SAMD12: variants seen among roughly 807,000 people sequenced by gnomAD.
The protein encoded by SAMD12 is sterile alpha motif domain containing 12, also known as sterile alpha motif domain-containing protein 12.
In SAMD12, 9 loss-of-function variants were observed where a neutral mutation model predicts 15.0. That is an observed-to-expected ratio of 0.60 (90% CI 0.36 to 1.05). The LOEUF (loss-of-function observed/expected upper bound fraction) is 1.05, where lower values mean the gene tolerates loss of function less well. Among genes scored for constraint, SAMD12 ranks in the 50% least tolerant of loss-of-function variants. SAMD12 has a pLI of 0.01. For synonymous variants in SAMD12, 86 were observed against 90.1 expected (o/e 0.96, Z 0.25); for missense variants, 230 against 234.2 (o/e 0.98, Z 0.12).
the SAMD12 span, among the ~76,000 whole-genome samples, chr8:118,135,125 A>G: frequency 6.6e-6 from 1 of 152,228 alleles, no homozygotes; most frequent in Non-Finnish European, 1.5e-5. Context: ...GTTAATTGGT[A>G]CAATATAGGC....
chr8:118,464,852 T>C (rs1823543659), intron 2 of SAMD12, among the ~76,000 whole-genome samples: 1 of 152,182 alleles, frequency 6.6e-6, no homozygotes, highest in Admixed American at 6.5e-5. Context: ...AGAAACAGTT[T>C]GGAACTCCTC....
the SAMD12 span, among the ~76,000 whole-genome samples, chr8:118,156,729 C>G: frequency 2.0e-5 from 3 of 152,018 alleles, no homozygotes; most frequent in Non-Finnish European, 4.4e-5. Flanking sequence ...AAAAAGCATA[C>G]AAAATGCTAT....
At position 118,318,327 on chromosome 8, in the gene SAMD12, T is replaced by TATATATATATATATATATATAC. The variant is rs1816040876; in HGVS notation, c.433+61232_433+61233insGTATATATATATATATATATAT. Among the ~76,000 whole-genome samples, 87 of 34,906 alleles carry TATATATATATATATATATATAC rather than the reference T, an allele frequency of 2.5e-3. 1 individual carries two copies. Among genetic ancestry groups the TATATATATATATATATATATAC allele is most frequent in the Non-Finnish European group, 7.1e-3 (75 of 10,586 alleles). 22.9% of individuals were successfully genotyped at this position (34,906 alleles called of 152,430 possible). A position where few individuals can be genotyped will look rare whatever the true frequency, so the allele number is the denominator to read the frequency against. On this transcript the variant is annotated intron_variant, in intron 4 of 4. Transcript: ENST00000409003. Reference sequence around the variant, plus strand: ...ATATATGTGTATATATATATATATATATATATATATATATATATATATATA... The same window carrying TATATATATATATATATATATAC: ...ATATATGTGTATATATATATATATATATATATATATATATATATATACATATATATATATATATATATATATA...
chr8:118,214,442 T>C (rs931064269), intron 4 of SAMD12, among the ~76,000 whole-genome samples: 2 of 152,070 alleles, frequency 1.3e-5, no homozygotes, highest in Non-Finnish European at 2.9e-5. Context: ...TGTGTGCCCT[T>C]GGTAGTGTCA....
At chr8:118,499,932 A>G (rs1824731959) in intron 2 of SAMD12, among the ~76,000 whole-genome samples, 2 of 152,098 alleles carry the variant, frequency 1.3e-5, no homozygotes, top group African/African-American at 4.8e-5. Context: ...CCGGCACAAC[A>G]AAGTGCCCTT....
chr8:118,291,810 TACTTCCATAGAGTG>T (rs1322113286), intron 4 of SAMD12, among the ~76,000 whole-genome samples: 1 of 151,060 alleles, frequency 6.6e-6, no homozygotes, highest in African/African-American at 2.4e-5. Context: ...CTCCCAAAGT[TACTTCCATAGAGTG>T]ACTTCCATAG....
intron 1 of SAMD12, among the ~76,000 whole-genome samples, chr8:118,601,613 T>C (rs545905361): frequency 3.3e-5 from 5 of 152,324 alleles, no homozygotes; most frequent in African/African-American, 9.6e-5. Context: ...GGTCTTGCCC[T>C]CTTCCTGCTT....
chr8:118,540,299 G>A (rs1163436605), intron 2 of SAMD12, among the ~76,000 whole-genome samples: 16 of 152,190 alleles, frequency 1.1e-4, no homozygotes, highest in Non-Finnish European at 2.1e-4. Context: ...TATGATCAGT[G>A]ATGAGGTATG....
chr8:118,543,035 A>G (rs1826028353), intron 2 of SAMD12, among the ~76,000 whole-genome samples: 1 of 152,234 alleles, frequency 6.6e-6, no homozygotes, highest in Non-Finnish European at 1.5e-5. Flanking sequence ...GGATGAAAAA[A>G]AGGAAAAAGA....
At chr8:118,169,868 C>G in the SAMD12 span, among the ~76,000 whole-genome samples, 3 of 152,076 alleles carry the variant, frequency 2.0e-5, no homozygotes, top group Non-Finnish European at 2.9e-5. Flanking sequence ...GTTTTTTACC[C>G]CACTTGTGGT....
chr8:118,597,707 T>C (rs1472565351), intron 1 of SAMD12, among the ~76,000 whole-genome samples: 1 of 152,234 alleles, frequency 6.6e-6, no homozygotes, highest in African/African-American at 2.4e-5. Context: ...CTCATTTGCA[T>C]GGCTGACTCC....
intron 2 of SAMD12, among the ~76,000 whole-genome samples, chr8:118,531,906 G>T (rs1419689750): frequency 1.3e-5 from 2 of 152,068 alleles, no homozygotes; most frequent in South Asian, 4.2e-4. Context: ...TTTCCTAATT[G>T]AATACCCTTT....
chr8:118,602,758 T>A (rs1030680246), intron 1 of SAMD12, among the ~76,000 whole-genome samples: 3 of 152,162 alleles, frequency 2.0e-5, no homozygotes, highest in Non-Finnish European at 4.4e-5. Flanking sequence ...GCCCCATTCA[T>A]ACCTAGAGAG....
At chr8:118,226,233 A>C (rs1208744598) in intron 4 of SAMD12, among the ~76,000 whole-genome samples, 1 of 152,148 alleles carries the variant, frequency 6.6e-6, no homozygotes, top group Non-Finnish European at 1.5e-5. Flanking sequence ...GAAATCATAC[A>C]CTCAATAACT....
intron 2 of SAMD12, among the ~76,000 whole-genome samples, chr8:118,500,862 C>CTTTA (rs1379987453): frequency 6.6e-6 from 1 of 152,028 alleles, no homozygotes; most frequent in Non-Finnish European, 1.5e-5. Flanking sequence ...ATTATTTTAC[C>CTTTA]TTATATTTAT....
intron 2 of SAMD12, among the ~76,000 whole-genome samples, chr8:118,495,211 A>C (rs764258694): frequency 5.9e-5 from 9 of 152,162 alleles, no homozygotes; most frequent in Non-Finnish European, 8.8e-5. Flanking sequence ...GTGTCAACTG[A>C]AGTCATCAGA....
At chr8:118,620,221 G>A (rs1209731176) in intron 1 of SAMD12, among the ~76,000 whole-genome samples, 1 of 152,102 alleles carries the variant, frequency 6.6e-6, no homozygotes, top group Non-Finnish European at 1.5e-5. Flanking sequence ...TCCCTGTCTT[G>A]GGGACACAGG....
intron 3 of SAMD12, among the ~76,000 whole-genome samples, chr8:118,426,697 G>A (rs1396405077): frequency 1.3e-5 from 2 of 152,154 alleles, no homozygotes; most frequent in Middle Eastern, 3.4e-3. Context: ...TGTGTCCTTG[G>A]AGCAGTAGTT....
chr8:118,216,933 C>T (rs1168486089), intron 4 of SAMD12, among the ~76,000 whole-genome samples: 2 of 152,106 alleles, frequency 1.3e-5, no homozygotes, highest in Admixed American at 6.6e-5. Context: ...ATATTCATTC[C>T]CTATATCCAC....
Sources: allele counts gnomAD v4.1 joint callset (sites outside exome capture counted in the v4.1 genomes callset), GRCh38; gene constraint gnomAD v4.1.1; transcripts MANE v1.5; gene names NCBI Gene and HGNC (gene_info 2026-07-23, HGNC 2026-07-21).